ZNF148: variants seen among roughly 807,000 people sequenced by gnomAD.
The protein encoded by ZNF148 is zinc finger protein 148, also known as Beta-Enolase Repressor Factor-1.
ZNF148 carries 7 observed loss-of-function variants against 67.7 expected under a neutral mutation model. The ratio of observed to expected loss-of-function variants is 0.10; its 90% CI spans 0.06 to 0.19. The LOEUF (loss-of-function observed/expected upper bound fraction) is 0.19, where lower values mean the gene tolerates loss of function less well. Among genes scored for constraint, ZNF148 ranks in the 10% least tolerant of loss-of-function variants. The pLI, the probability that ZNF148 is intolerant of heterozygous loss-of-function variation, is 1.00. For synonymous variants in ZNF148, 333 were observed against 330.7 expected (o/e 1.01, Z -0.08); for missense variants, 583 against 947.1 (o/e 0.62, Z 5.05).
At chr3:125,315,647 T>A (rs961852436) in intron 3 of ZNF148, among the ~76,000 whole-genome samples, 2 of 142,040 alleles carry the variant, frequency 1.4e-5, no homozygotes, top group Admixed American at 1.5e-4. Context: ...AGGGGAAGGG[T>A]GCAGTGAGCC....
At chr3:125,322,824 T>C (rs959460531) in intron 3 of ZNF148, among the ~76,000 whole-genome samples, 2 of 152,234 alleles carry the variant, frequency 1.3e-5, no homozygotes, top group South Asian at 2.1e-4. Flanking sequence ...ATAAGACTGC[T>C]TCCTTATATT....
At chr3:125,353,074 AC>A (rs1195432106) in intron 1 of ZNF148, among the ~76,000 whole-genome samples, 3 of 152,182 alleles carry the variant, frequency 2.0e-5, no homozygotes, top group East Asian at 1.9e-4. Flanking sequence ...AGAAAGGAAA[AC>A]TTTTGTTTAC....
chr3:125,339,619 T>G (rs1407862680), intron 1 of ZNF148, among the ~76,000 whole-genome samples: 4 of 152,208 alleles, frequency 2.6e-5, no homozygotes, highest in Non-Finnish European at 5.9e-5. Flanking sequence ...ACACATTTTA[T>G]ATAATGCTTA....
chr3:125,232,574 G>C lies in ZNF148; in HGVS notation c.2152C>G (p.Gln718Glu), dbSNP rs1191653352. Residue 718 changes from glutamine to glutamate, a missense_variant, in exon 9 of 9, where the codon CAG becomes GAG. By Grantham distance (29) the Gln-to-Glu change is conservative (BLOSUM62 2). Transcript: ENST00000360647. The surrounding 1 kb of genome is among the most constrained non-coding windows in gnomAD (Gnocchi z 4.2). ...QVTSQKKAEA[Q>E]PVHQAYQMSS... ...ATTTGGTAAGCTTGGTGGACAGGCT[G>C]GGCCTCAGCTTTCTTCTGAGAAGTC... 6.2e-7 allele frequency: 1 copy of C among 1,613,748 alleles called. No individual in the cohort carries two copies. Among genetic ancestry groups the C allele is most frequent in the South Asian group, 1.1e-5 (1 of 91,076 alleles).
Position 125,233,885 on chromosome 3 carries a change from G to C in ZNF148, c.841C>G (p.His281Asp). The change falls in exon 9 of 9, where the codon CAT becomes GAT. Residue 281 changes from histidine to aspartate, a missense_variant. Physicochemically the swap from His to Asp is moderately conservative, Grantham distance 81 (BLOSUM62 -1). This residue lies in a region of ZNF148 where 78 missense variants were observed against 86.5 expected (regional missense o/e 0.90). Coordinates refer to ENST00000360647, the MANE Select transcript of ZNF148 (RefSeq NM_021964.3). This position sits in a 1 kb window ranked among gnomAD's most constrained non-coding sequence, Gnocchi z 5.1. ...GCACATCTATTTAGTTTTTTGTCAT[G>C]ATTTTCATGGCACATACGTTTATGT... ...LKHKRMCHENHDKKLNRCAIK... is the reference protein window; with the variant it reads ...LKHKRMCHENDDKKLNRCAIK... 1 of 1,611,880 alleles carries C rather than the reference G, an allele frequency of 6.2e-7. No homozygotes were observed. Among genetic ancestry groups the C allele is most frequent in the Non-Finnish European group, 8.5e-7 (1 of 1,179,566 alleles).
intron 4 of ZNF148, among the ~76,000 whole-genome samples, chr3:125,297,279 C>A (rs1939336333): frequency 6.6e-6 from 1 of 152,084 alleles, no homozygotes; most frequent in Admixed American, 6.5e-5. Context: ...ATTCACATCA[C>A]CAGCAAAAAT....
Position 125,228,462 on chromosome 3 carries a change from ATAAT to A in ZNF148, c.*3875_*3878del, listed in dbSNP as rs1467554126. The A allele has an allele frequency of 3.9e-5, 6 of 152,748 alleles. No individual in the cohort carries two copies. Among genetic ancestry groups the A allele is most frequent in the South Asian group, 2.1e-4 (1 of 4,832 alleles). 9.5% of individuals were successfully genotyped at this position (152,748 alleles called of 1,614,324 possible). On this transcript the variant is annotated 3_prime_UTR_variant, in exon 9 of 9. Coordinates refer to ENST00000360647, the MANE Select transcript of ZNF148 (RefSeq NM_021964.3). ...ATAATCATTATTAAATGAAATAAGG[ATAAT>A]TAATAACTCTGAAATGTTTTTAGAA...
At chr3:125,280,507 C>T (rs970383470) in intron 5 of ZNF148, among the ~76,000 whole-genome samples, 3 of 151,862 alleles carry the variant, frequency 2.0e-5, no homozygotes, top group Admixed American at 1.3e-4. Context: ...AATGAGGAAA[C>T]CCCGTCTCCA....
chr3:125,260,245 C>T (rs1386467362), intron 7 of ZNF148, among the ~76,000 whole-genome samples: 1 of 151,976 alleles, frequency 6.6e-6, no homozygotes, highest in Non-Finnish European at 1.5e-5. Context: ...TGAGTGCACG[C>T]TGCTGGAAAC....
intron 1 of ZNF148, among the ~76,000 whole-genome samples, chr3:125,340,223 T>C (rs1458198389): frequency 6.6e-6 from 1 of 152,148 alleles, no homozygotes; most frequent in Non-Finnish European, 1.5e-5. Flanking sequence ...GATAGTCACA[T>C]TCCTCCGCCA....
At chr3:125,349,460 CAACAGGTATATA>C (rs1942061318) in intron 1 of ZNF148, among the ~76,000 whole-genome samples, 1 of 152,068 alleles carries the variant, frequency 6.6e-6, no homozygotes, top group South Asian at 2.1e-4. Context: ...TACACAAGGC[CAACAGGTATATA>C]AGCAGATGCT....
intron 4 of ZNF148, among the ~76,000 whole-genome samples, chr3:125,312,909 A>G (rs967467011): frequency 1.3e-5 from 2 of 152,246 alleles, no homozygotes; most frequent in African/African-American, 4.8e-5. Flanking sequence ...GAATAGGAGC[A>G]TATTAGAAAA....
rs566427341 is a variant in ZNF148, at chr3:125,361,043, T to A, written c.-234+14059A>T. Among the ~76,000 whole-genome samples the A allele has an allele frequency of 1.2e-3, 177 of 151,726 alleles. 4 individuals carry two copies. The South Asian group carries it at 0.033, about 28-fold the overall frequency. On this transcript the variant is annotated intron_variant, in intron 1 of 8. Transcript: ENST00000360647. Reference sequence around the variant, plus strand: ...AGACCCTGTCTGAAAAATTAAAAAATAATAATAATAAGAGAACTGGTAAAT... The same window carrying A: ...AGACCCTGTCTGAAAAATTAAAAAAAAATAATAATAAGAGAACTGGTAAAT...
intron 7 of ZNF148, among the ~76,000 whole-genome samples, chr3:125,253,082 T>C (rs1936915828): frequency 6.6e-6 from 1 of 152,188 alleles, no homozygotes; most frequent in Non-Finnish European, 1.5e-5. Flanking sequence ...TAACTGAAAT[T>C]GCATTTAATT....
intron 4 of ZNF148, among the ~76,000 whole-genome samples, chr3:125,289,618 G>A (rs1012844401): frequency 3.3e-5 from 5 of 152,100 alleles, no homozygotes; most frequent in African/African-American, 1.2e-4. Context: ...CTGGGAATGG[G>A]TATGAGACAA....
At chr3:125,298,366 C>T (rs1939398692) in intron 4 of ZNF148, among the ~76,000 whole-genome samples, 1 of 151,928 alleles carries the variant, frequency 6.6e-6, no homozygotes, top group Admixed American at 6.6e-5. Flanking sequence ...CACACACACA[C>T]ACACACATGC....
chr3:125,339,564 A>G (rs1297039660), intron 1 of ZNF148, among the ~76,000 whole-genome samples: 1 of 152,238 alleles, frequency 6.6e-6, no homozygotes, highest in Admixed American at 6.5e-5. Flanking sequence ...GACTGACCTC[A>G]CAAAAACCTT....
At chr3:125,288,418 A>G (rs939004019) in intron 4 of ZNF148, among the ~76,000 whole-genome samples, 190 bp from the exon 5 acceptor site, 1 of 151,976 alleles carries the variant, frequency 6.6e-6, no homozygotes, top group Admixed American at 6.6e-5. Flanking sequence ...AAGAATTGAG[A>G]GTACATAAAT....
intron 1 of ZNF148, among the ~76,000 whole-genome samples, chr3:125,331,491 T>G (rs1941290019): frequency 1.3e-5 from 2 of 152,180 alleles, no homozygotes; most frequent in African/African-American, 4.8e-5. Flanking sequence ...TAACTTCCAG[T>G]GAAGGATTAA....
Sources: gnomAD v4.1 joint callset for allele counts (sites outside exome capture counted in the v4.1 genomes callset) on GRCh38, gnomAD v4.1.1 for gene constraint, gnomAD v4.1.1 regional missense constraint, Gnocchi (gnomAD v3.1) non-coding constraint, MANE v1.5 for transcripts, NCBI Gene and HGNC (gene_info 2026-07-23, HGNC 2026-07-21) for gene names.